Variants in TMEM132C observed in about 807,000 individuals in gnomAD.
TMEM132C encodes transmembrane protein 132C, also known as protein phosphatase 1, regulatory subunit 152.
Under a neutral mutation model 61.4 loss-of-function variants are expected in TMEM132C, and 29 were observed. The observed-to-expected ratio is 0.47, with a 90% confidence interval of 0.35 to 0.64. TMEM132C has a LOEUF of 0.64. TMEM132C is among the 30% of genes least tolerant of loss of function. TMEM132C has a pLI of 0.00. For synonymous variants in TMEM132C, 656 were observed against 633.1 expected, an observed-to-expected ratio of 1.04 and a Z score of -0.54; for missense variants, 1,408 against 1,476.9, an observed-to-expected ratio of 0.95 and a Z score of 0.76.
intron 1 of TMEM132C, among the ~76,000 whole-genome samples, chr12:128,385,619 A>T (rs1337676241): frequency 2.0e-5 from 3 of 152,190 alleles, no homozygotes; most frequent in Admixed American, 6.5e-5. Flanking sequence ...TTTATACAGG[A>T]TACGTTAAAG....
chr12:128,643,240 A>G (rs1421919146), intron 4 of TMEM132C, among the ~76,000 whole-genome samples: 3 of 152,214 alleles, frequency 2.0e-5, no homozygotes, highest in African/African-American at 7.2e-5. Flanking sequence ...TTAAATCTGC[A>G]AAGCTGGGCT....
intron 2 of TMEM132C, among the ~76,000 whole-genome samples, chr12:128,521,319 ATGTG>A (rs1555229471): frequency 2.4e-3 from 52 of 21,654 alleles, no homozygotes; most frequent in African/African-American, 3.6e-3. Context: ...ATATATATAT[ATGTG>A]TGTGTGTGTG....
chr12:128,612,015 G>C (rs145644697), intron 3 of TMEM132C, among the ~76,000 whole-genome samples: 4 of 152,210 alleles, frequency 2.6e-5, no homozygotes, highest in African/African-American at 4.8e-5. Flanking sequence ...GAAGACAAAG[G>C]CTGTGTGGGG....
chr12:128,382,447 T>C (rs1206326659), intron 1 of TMEM132C, among the ~76,000 whole-genome samples: 1 of 152,226 alleles, frequency 6.6e-6, no homozygotes, highest in African/African-American at 2.4e-5. Context: ...ATGGCGAGTG[T>C]GACCAAAGAA....
At chr12:128,427,452 G>A (rs1869233576) in intron 2 of TMEM132C, among the ~76,000 whole-genome samples, 1 of 148,274 alleles carries the variant, frequency 6.7e-6, no homozygotes, top group African/African-American at 2.5e-5. Context: ...GGAGGGTGGT[G>A]GCCTGGAAGT....
At chr12:128,385,003 C>T (rs1874528972) in intron 1 of TMEM132C, among the ~76,000 whole-genome samples, 1 of 152,194 alleles carries the variant, frequency 6.6e-6, no homozygotes, top group Non-Finnish European at 1.5e-5. Context: ...TCTTGGTGTT[C>T]GTCCCTTTGT....
rs930451624 is a variant in TMEM132C, at chr12:128,354,764, C to A, written c.86-59968C>A. On this transcript the variant is annotated intron_variant, in intron 1 of 8. Transcript: ENST00000435159. ...CTGTGCGTCTGCAGAACACTGAGAC[C>A]GGAGCTATAGGCTTGAGGAAGAGGT... 4.6e-5 allele frequency among the ~76,000 whole-genome samples: 7 copies of A among 152,292 alleles called. No homozygotes were observed. In the South Asian group the frequency reaches 1.2e-3, roughly 27 times the overall value.
intron 1 of TMEM132C, among the ~76,000 whole-genome samples, chr12:128,273,223 T>G (rs887134275): frequency 2.0e-5 from 3 of 152,220 alleles, no homozygotes; most frequent in African/African-American, 7.2e-5. Flanking sequence ...GTTTCATGTA[T>G]TTTGAACACT....
chr12:128,599,618 T>G (rs1309418371), intron 3 of TMEM132C, among the ~76,000 whole-genome samples: 1 of 152,198 alleles, frequency 6.6e-6, no homozygotes, highest in Non-Finnish European at 1.5e-5. Context: ...GTGATACCCA[T>G]GCTCGCCATA....
chr12:128,368,963 G>A (rs1369772919), intron 1 of TMEM132C, among the ~76,000 whole-genome samples: 1 of 152,148 alleles, frequency 6.6e-6, no homozygotes, highest in Non-Finnish European at 1.5e-5. Flanking sequence ...AATACTCCAG[G>A]GATGTGCTTT....
At chr12:128,680,002 A>G (rs912403957) in intron 5 of TMEM132C, among the ~76,000 whole-genome samples, 3 of 152,182 alleles carry the variant, frequency 2.0e-5, no homozygotes, top group Non-Finnish European at 4.4e-5. Context: ...CAAAGGCCCC[A>G]GGGTATGAAC....
At chr12:128,360,271 CACACACA>C (rs753526434) in intron 1 of TMEM132C, among the ~76,000 whole-genome samples, 7 of 151,712 alleles carry the variant, frequency 4.6e-5, no homozygotes, top group Non-Finnish European at 8.8e-5. Flanking sequence ...CACACACACA[CACACACA>C]CACCCCAGGA....
chr12:128,409,340 A>G (rs1868442542), intron 1 of TMEM132C, among the ~76,000 whole-genome samples: 1 of 152,120 alleles, frequency 6.6e-6, no homozygotes, highest in Non-Finnish European at 1.5e-5. Context: ...AGCCCCCAGT[A>G]TTCAGCAACT....
chr12:128,363,928 T>C (rs1873782813), intron 1 of TMEM132C, among the ~76,000 whole-genome samples: 1 of 151,560 alleles, frequency 6.6e-6, no homozygotes, highest in African/African-American at 2.4e-5. Context: ...TATTTGCATA[T>C]TCCAATAACT....
chr12:128,470,244 G>A (rs1463144749), intron 2 of TMEM132C, among the ~76,000 whole-genome samples: 2 of 152,110 alleles, frequency 1.3e-5, no homozygotes, highest in Non-Finnish European at 2.9e-5. Flanking sequence ...GTGGCTTGTC[G>A]ACTTACCATC....
At chr12:128,560,524 C>A (rs1237402678) in intron 3 of TMEM132C, among the ~76,000 whole-genome samples, 3 of 152,218 alleles carry the variant, frequency 2.0e-5, no homozygotes, top group African/African-American at 7.2e-5. Context: ...ATTTCTACAT[C>A]TTAGCTTAAA....
intron 1 of TMEM132C, among the ~76,000 whole-genome samples, chr12:128,383,450 G>A (rs1050209235): frequency 3.3e-5 from 5 of 152,178 alleles, no homozygotes; most frequent in South Asian, 2.1e-4. Flanking sequence ...CCTCAGGGAC[G>A]GATGCTTGAG....
intron 2 of TMEM132C, among the ~76,000 whole-genome samples, chr12:128,455,143 T>C (rs1178665281): frequency 6.6e-6 from 1 of 152,184 alleles, no homozygotes; most frequent in African/African-American, 2.4e-5. Context: ...TCAAGAAAAA[T>C]CTGAATTTTT....
At chr12:128,659,143 A>G (rs1954358827) in intron 4 of TMEM132C, among the ~76,000 whole-genome samples, 2 of 152,236 alleles carry the variant, frequency 1.3e-5, no homozygotes, top group African/African-American at 2.4e-5. Flanking sequence ...GTTTTGCAGG[A>G]CACAGTCTCT....
Sources: gnomAD v4.1 joint callset for allele counts (sites outside exome capture counted in the v4.1 genomes callset) on GRCh38, gnomAD v4.1.1 for gene constraint, MANE v1.5 for transcripts, NCBI Gene and HGNC (gene_info 2026-07-23, HGNC 2026-07-21) for gene names.